SLC25A23: variants seen among roughly 807,000 people sequenced by gnomAD.
SLC25A23 encodes mitochondrial adenyl nucleotide antiporter SLC25A23.
A neutral mutation model predicts 53.9 loss-of-function variants in SLC25A23; 32 were observed. That is an observed-to-expected ratio of 0.59 (90% CI 0.45 to 0.80). The LOEUF (loss-of-function observed/expected upper bound fraction) is 0.80. Ranked by LOEUF, SLC25A23 falls within the 30% of genes least tolerant of loss-of-function variation. The pLI is 0.00. For missense variants in SLC25A23, 575 were observed against 651.4 expected (o/e 0.88, Z 1.28); for synonymous variants, 275 against 264.5 (o/e 1.04, Z -0.38).
downstream of SLC25A23, chr19:6,436,534 T>G: frequency 2.4e-6 from 1 of 422,382 alleles, no homozygotes. Context: ...ATAACCAGGA[T>G]GGCAGCGACA....
In SLC25A23 at chr19:6,454,337, T is replaced by A. The variant is rs1360143442; in HGVS notation, c.781A>T (p.Met261Leu). ...KIAPESAIKF[M>L]AYEQIKRAIL... The stretch of plus-strand genomic sequence containing the variant: ...CCTGCCCTCACCTGTTCATAGGCCA[T>A]GAACTTGATAGCTGACTCGGGGGCA... The change falls in exon 6 of 10, where the codon ATG becomes TTG. Residue 261 changes from methionine to leucine, a missense_variant. Coordinates refer to ENST00000301454, the MANE Select transcript of SLC25A23 (RefSeq NM_024103.3). This position sits in a 1 kb window ranked among gnomAD's most constrained non-coding sequence, Gnocchi z 4.3. The A allele has an allele frequency of 6.2e-7, 1 of 1,614,018 alleles. No individual in the cohort carries two copies. The highest frequency in any genetic ancestry group is 1.7e-5 in the Admixed American group (1 of 59,994).
chr19:6,446,283 A>C (rs926424275), intron 8 of SLC25A23, among the ~76,000 whole-genome samples: 5 of 151,380 alleles, frequency 3.3e-5, no homozygotes, highest in Non-Finnish European at 7.4e-5. Flanking sequence ...GAATCGCCTG[A>C]ACCGGGGAGG....
rs201974119 is a variant in SLC25A23 at position 6,457,625 on chromosome 19, G to A, written c.284-35C>T. On this transcript the variant is annotated intron_variant, in intron 2 of 9. Coordinates refer to ENST00000301454, the MANE Select transcript of SLC25A23 (RefSeq NM_024103.3). ...GGGCCGGAGGTGGGGAAGGATGTGC[G>A]TGTGAGGACACCTGGGGAACCCCAG... The A allele has an allele frequency of 7.5e-4, 1,180 of 1,581,424 alleles. 16 individuals are homozygous for A. In the South Asian group the frequency reaches 0.012, roughly 16 times the overall value.
chr19:6,452,919 C>T (rs936690779), intron 7 of SLC25A23, among the ~76,000 whole-genome samples: 2 of 152,180 alleles, frequency 1.3e-5, no homozygotes, highest in African/African-American at 4.8e-5. Flanking sequence ...CACACAGCCA[C>T]TAGAAAGAAA....
rs2092531114 is a variant in SLC25A23, at chr19:6,448,005, C to T, written c.1072-3704G>A. Among the ~76,000 whole-genome samples the T allele has an allele frequency of 4.6e-5, 7 of 152,220 alleles. No individual in the cohort carries two copies. The South Asian group carries it at 1.5e-3, about 32-fold the overall frequency. On this transcript the variant is annotated intron_variant, in intron 8 of 9. Coordinates refer to ENST00000301454, the MANE Select transcript of SLC25A23 (RefSeq NM_024103.3). ...CTATTTTATAGAAAAGAAACTGAGG[C>T]TCGGGAAGTTACTTGCCCAAAGCTA...
At chr19:6,453,858 A>G in intron 7 of SLC25A23, 123 bp downstream of exon 7, 1 of 718,556 alleles carries the variant, frequency 1.4e-6, no homozygotes, top group Middle Eastern at 2.4e-4. Context: ...CTGATGAGCT[A>G]TACTCCAAAT....
chr19:6,445,900 A>AACAC (rs1248507831), intron 8 of SLC25A23, among the ~76,000 whole-genome samples: 1 of 144,740 alleles, frequency 6.9e-6, no homozygotes. Context: ...AAAACAAACA[A>AACAC]ACACACAAAC....
chr19:6,439,395 TCTCTCACACACACA>T (rs1310137534), downstream of SLC25A23, among the ~76,000 whole-genome samples: 14 of 129,572 alleles, frequency 1.1e-4, no homozygotes, highest in East Asian at 6.6e-4. Context: ...TCTCTCTCTC[TCTCTCACACACACA>T]CACACACACA....
At chr19:6,444,377 T>C in intron 8 of SLC25A23, 76 bp from the exon 9 acceptor site, 1 of 1,463,802 alleles carries the variant, frequency 6.8e-7, no homozygotes, top group East Asian at 2.4e-5. Context: ...TGCTGGCCGG[T>C]TCTGTATCCC....
chr19:6,455,818 A>C (rs1411838936), intron 4 of SLC25A23: 1 of 309,906 alleles, frequency 3.2e-6, no homozygotes, highest in African/African-American at 2.3e-5. Flanking sequence ...TCCTGGGTTC[A>C]CGCCATTCTC....
intron 2 of SLC25A23, among the ~76,000 whole-genome samples, 158 bp downstream of exon 2, chr19:6,458,040 T>A (rs2092705272): frequency 6.6e-6 from 1 of 152,092 alleles, no homozygotes; most frequent in East Asian, 1.9e-4. Context: ...ACCACCTAGC[T>A]AGGGGGTGAG....
At chr19:6,443,119 A>G (rs1046242421) in intron 9 of SLC25A23, among the ~76,000 whole-genome samples, 1 of 149,470 alleles carries the variant, frequency 6.7e-6, no homozygotes. Flanking sequence ...TTGTATTTTC[A>G]GTAGAGACAG....
At chr19:6,448,811 G>A (rs148857485) in intron 8 of SLC25A23, among the ~76,000 whole-genome samples, 2,295 of 151,334 alleles carry the variant, frequency 0.015, 19 homozygotes, top group Non-Finnish European at 0.023. Context: ...ATCACTTGAC[G>A]TCAGGAGTTC....
chr19:6,452,442 T>G lies in SLC25A23; in HGVS notation c.941A>C (p.Gln314Pro). 5 of 1,611,974 alleles carry G rather than the reference T, an allele frequency of 3.1e-6. No individual in the cohort carries two copies. The highest frequency in any genetic ancestry group is 4.2e-6 in the Non-Finnish European group (5 of 1,178,548). The change falls in exon 8 of 10, where the codon CAG (glutamine) becomes CCG (proline). Residue 314 changes from glutamine to proline, a missense_variant. Transcript: ENST00000301454. ...GGCGCAGTCCAGCAGCCCCTTATACTGGCCCGTCCGGCGCAAGGTCAGCCG... is the reference window on the plus strand; with the variant it reads ...GGCGCAGTCCAGCAGCCCCTTATACGGGCCCGTCCGGCGCAAGGTCAGCCG... ...KTRLTLRRTG[Q>P]YKGLLDCARR...
In SLC25A23 at chr19:6,458,185, C is replaced by T. The variant is rs371151012; in HGVS notation, c.283+13G>A. The T allele has an allele frequency of 5.7e-5, 92 of 1,612,370 alleles. No homozygotes were observed. In the East Asian group the frequency reaches 8.5e-4, roughly 15 times the overall value. On this transcript the variant is annotated intron_variant, in intron 2 of 9. Coordinates refer to ENST00000301454, the MANE Select transcript of SLC25A23 (RefSeq NM_024103.3). ...TATCCCTTGGGGCCTGCAGGCAGGT[C>T]GCCCGACCTTACCATCCTGGTTCCG...
intron 4 of SLC25A23, among the ~76,000 whole-genome samples, chr19:6,455,688 T>TA: frequency 1.3e-5 from 2 of 150,572 alleles, no homozygotes; most frequent in South Asian, 4.2e-4. Flanking sequence ...TGGCTCCCAT[T>TA]GGATCCTCTG....
In SLC25A23 at chr19:6,456,519, G is replaced by C. The variant is rs368298555; in HGVS notation, c.384C>G (p.Asp128Glu). The C allele has an allele frequency of 1.9e-6, 3 of 1,613,404 alleles. No individual in the cohort carries two copies. Among genetic ancestry groups the C allele is most frequent in the Non-Finnish European group, 2.5e-6 (3 of 1,179,884 alleles). The change falls in exon 4 of 10, where the codon GAC (aspartate) becomes GAG (glutamate). Residue 128 changes from aspartate to glutamate, a missense_variant. By Grantham distance (45) the Asp-to-Glu change is conservative. Transcript: ENST00000301454. Reference sequence around the variant, plus strand: ...CTTGCCAGTCAATGGTCATTGTGCCGTCTCGGTCCATGCTGGGGGGAAGAA... The same window carrying C: ...CTTGCCAGTCAATGGTCATTGTGCCCTCTCGGTCCATGCTGGGGGGAAGAA... Reference protein sequence around the residue: ...AEKILHSMDRDGTMTIDWQEW... With the variant: ...AEKILHSMDREGTMTIDWQEW...
At position 6,459,422 on chromosome 19, in the gene SLC25A23, C is replaced by G; in HGVS notation, c.156+51G>C. On this transcript the variant is annotated intron_variant, in intron 1 of 9. Coordinates refer to ENST00000301454, the MANE Select transcript of SLC25A23 (RefSeq NM_024103.3). The surrounding 1 kb of genome is among the most constrained non-coding windows in gnomAD (Gnocchi z 4.6). ...CCGCCCAGTTCAGGGGCTTGGGTAA[C>G]CGGGAGCGGGCGGGGCCGGGAGGGG... 1 of 1,510,906 alleles carries G rather than the reference C, an allele frequency of 6.6e-7. No homozygotes were observed. 93.6% of individuals were successfully genotyped at this position (1,510,906 alleles called of 1,614,324 possible).
downstream of SLC25A23, chr19:6,438,709 T>C (rs2092367697): frequency 9.4e-5 from 23 of 244,172 alleles, no homozygotes; most frequent in South Asian, 7.2e-4. Flanking sequence ...ATTAGCCGGG[T>C]GTGGTGGTGC....
Sources: allele counts gnomAD v4.1 joint callset (sites outside exome capture counted in the v4.1 genomes callset), GRCh38; gene constraint gnomAD v4.1.1; non-coding constraint Gnocchi (gnomAD v3.1); transcripts MANE v1.5; gene names NCBI Gene and HGNC (gene_info 2026-07-23, HGNC 2026-07-21).